Variants in FTCDNL1 observed in about 807,000 individuals in gnomAD.
FTCDNL1 encodes formiminotransferase cyclodeaminase N-terminal like, also known as formiminotransferase N-terminal subdomain-containing protein.
Under a neutral mutation model 5.9 loss-of-function variants are expected in FTCDNL1, and 11 were observed. That is an observed-to-expected ratio of 1.87 (90% CI 1.18 to 3.10). The LOEUF is 3.10. Among genes scored for constraint, FTCDNL1 ranks in the 30% most tolerant of loss-of-function variants. FTCDNL1 has a pLI of 0.00. For synonymous variants in FTCDNL1, 58 were observed against 24.8 expected (o/e 2.34, Z -3.99); for missense variants, 115 against 65.5 (o/e 1.76, Z -2.61).
chr2:199,682,410 A>T, the FTCDNL1 span, among the ~76,000 whole-genome samples: 3 of 152,210 alleles, frequency 2.0e-5, no homozygotes, highest in African/African-American at 7.2e-5. Flanking sequence ...ATGTTTATAT[A>T]CATCCTACCA....
chr2:199,724,828 G>C, the FTCDNL1 span, among the ~76,000 whole-genome samples: 1 of 152,024 alleles, frequency 6.6e-6, no homozygotes, highest in Non-Finnish European at 1.5e-5. Flanking sequence ...TAGAGTAAGT[G>C]CCATGTAGCA....
the FTCDNL1 span, among the ~76,000 whole-genome samples, chr2:199,695,986 C>T: frequency 6.6e-6 from 1 of 152,210 alleles, no homozygotes; most frequent in Non-Finnish European, 1.5e-5. Flanking sequence ...TGCCTGGCTG[C>T]ACCTGCTTAC....
chr2:199,842,708 T>C (rs866748517), intron 3 of FTCDNL1, among the ~76,000 whole-genome samples: 2 of 152,192 alleles, frequency 1.3e-5, no homozygotes, highest in South Asian at 2.1e-4. Flanking sequence ...ATTCAGCATT[T>C]TTGCATACAA....
chr2:199,695,039 T>TA, the FTCDNL1 span, among the ~76,000 whole-genome samples: 4 of 152,154 alleles, frequency 2.6e-5, no homozygotes, highest in Non-Finnish European at 1.5e-5. Context: ...CCTTTTCATA[T>TA]AAAATGGCAG....
At chr2:199,705,507 T>A in the FTCDNL1 span, among the ~76,000 whole-genome samples, 2 of 152,228 alleles carry the variant, frequency 1.3e-5, no homozygotes, top group Non-Finnish European at 2.9e-5. Context: ...GTAAGTTTTT[T>A]ATAAACACCT....
chr2:199,765,698 T>C (rs1385310251), intron 3 of FTCDNL1, among the ~76,000 whole-genome samples: 1 of 151,240 alleles, frequency 6.6e-6, no homozygotes, highest in African/African-American at 2.4e-5. Context: ...TACACTATCA[T>C]GCCTGGCTTA....
chr2:199,813,279 AT>A (rs1282346256), intron 4 of FTCDNL1, among the ~76,000 whole-genome samples: 8 of 152,110 alleles, frequency 5.3e-5, no homozygotes, highest in Admixed American at 5.2e-4. Flanking sequence ...AAACACATGT[AT>A]TTTTTTTCCC....
intron 3 of FTCDNL1, among the ~76,000 whole-genome samples, chr2:199,804,196 T>A (rs1171777873): frequency 6.6e-6 from 1 of 152,202 alleles, no homozygotes; most frequent in African/African-American, 2.4e-5. Flanking sequence ...TAATTACTTT[T>A]TTCAAAGCAG....
At chr2:199,701,575 T>C in the FTCDNL1 span, among the ~76,000 whole-genome samples, 1 of 152,126 alleles carries the variant, frequency 6.6e-6, no homozygotes, top group African/African-American at 2.4e-5. Context: ...CCATCAATGG[T>C]GGACTGGATA....
the FTCDNL1 span, among the ~76,000 whole-genome samples, chr2:199,750,793 T>G: frequency 6.6e-6 from 1 of 152,258 alleles, no homozygotes; most frequent in Non-Finnish European, 1.5e-5. Flanking sequence ...ACCTTACTTG[T>G]CTGTTGATAT....
the FTCDNL1 span, among the ~76,000 whole-genome samples, chr2:199,670,614 G>A: frequency 3.9e-5 from 6 of 152,060 alleles, no homozygotes; most frequent in Non-Finnish European, 4.4e-5. Flanking sequence ...TAGCTTTTCC[G>A]CAAACCACTT....
At chr2:199,795,910 G>A (rs942926662) in intron 3 of FTCDNL1, among the ~76,000 whole-genome samples, 14 of 151,878 alleles carry the variant, frequency 9.2e-5, no homozygotes, top group African/African-American at 2.9e-4. Flanking sequence ...AAGCTCTTAG[G>A]TAAAAGCACT....
intron 2 of FTCDNL1, 82 bp downstream of exon 2, chr2:199,848,766 G>T: frequency 3.2e-6 from 2 of 633,412 alleles, no homozygotes; most frequent in Non-Finnish European, 5.7e-6. Context: ...AAAGTGTTCT[G>T]TAGATACAGT....
chr2:199,783,756 C>T (rs1699487668), intron 3 of FTCDNL1, among the ~76,000 whole-genome samples: 1 of 152,044 alleles, frequency 6.6e-6, no homozygotes, highest in Non-Finnish European at 1.5e-5. Flanking sequence ...CAGCACTTCT[C>T]TAGACACATT....
chr2:199,759,100 T>A (rs1698170753), downstream of FTCDNL1, among the ~76,000 whole-genome samples: 1 of 152,006 alleles, frequency 6.6e-6, no homozygotes, highest in Non-Finnish European at 1.5e-5. Context: ...TGTATGTGTG[T>A]GTAATATATA....
the FTCDNL1 span, among the ~76,000 whole-genome samples, chr2:199,734,020 T>C: frequency 1.3e-5 from 2 of 152,160 alleles, no homozygotes; most frequent in Non-Finnish European, 1.5e-5. Context: ...ACATAAAGAT[T>C]ATAAAGTTCT....
chr2:199,712,001 T>C, the FTCDNL1 span, among the ~76,000 whole-genome samples: 1 of 152,052 alleles, frequency 6.6e-6, no homozygotes, highest in East Asian at 1.9e-4. Context: ...AGATGCCCAA[T>C]GATGTAGACC....
chr2:199,692,201 C>G, the FTCDNL1 span, among the ~76,000 whole-genome samples: 611 of 152,192 alleles, frequency 4.0e-3, 12 homozygotes, highest in East Asian at 0.028. Flanking sequence ...TTTAAAGCCT[C>G]AAGCCACCTT....
chr2:199,824,761 C>A (rs974870553), intron 3 of FTCDNL1, among the ~76,000 whole-genome samples: 1 of 152,172 alleles, frequency 6.6e-6, no homozygotes, highest in Admixed American at 6.5e-5. Flanking sequence ...GTTGGAATAA[C>A]AACATTTATC....
Sources: allele counts gnomAD v4.1 joint callset (sites outside exome capture counted in the v4.1 genomes callset), GRCh38; gene constraint gnomAD v4.1.1; transcripts MANE v1.5; gene names NCBI Gene and HGNC (gene_info 2026-07-23, HGNC 2026-07-21).